The following KAZN variants were observed in gnomAD, a reference collection of about 807,000 sequenced individuals.
KAZN encodes the protein kazrin, periplakin interacting protein.
Under a neutral mutation model 87.4 loss-of-function variants are expected in KAZN, and 40 were observed. The observed-to-expected ratio is 0.46, with a 90% CI of 0.36 to 0.60. The LOEUF (loss-of-function observed/expected upper bound fraction) is 0.60, where lower values mean the gene tolerates loss of function less well. Ranked by LOEUF, KAZN falls within the 20% of genes least tolerant of loss-of-function variation. The pLI is 0.00. For missense variants in KAZN, 898 were observed against 1,073.9 expected (o/e 0.84, Z 2.29); for synonymous variants, 466 against 458.3 (o/e 1.02, Z -0.22).
intron 2 of KAZN, among the ~76,000 whole-genome samples, chr1:14,357,936 A>G (rs899061872): frequency 6.6e-6 from 1 of 152,192 alleles, no homozygotes. Flanking sequence ...AGCTGGCCTC[A>G]TTAAATTAGT....
intron 2 of KAZN, among the ~76,000 whole-genome samples, chr1:14,232,576 AG>A (rs1193556288): frequency 2.6e-5 from 4 of 152,116 alleles, no homozygotes; most frequent in Non-Finnish European, 5.9e-5. Context: ...GCTTCTTCAT[AG>A]CTCCTTATCC....
chr1:14,690,888 T>C (rs972330666), intron 1 of KAZN, among the ~76,000 whole-genome samples: 1 of 152,200 alleles, frequency 6.6e-6, no homozygotes, highest in African/African-American at 2.4e-5. Flanking sequence ...TACCTGGTTT[T>C]ATTGTTCCTC....
chr1:14,308,432 G>T (rs1439373620), intron 2 of KAZN, among the ~76,000 whole-genome samples: 3 of 152,198 alleles, frequency 2.0e-5, no homozygotes, highest in South Asian at 4.1e-4. Flanking sequence ...TAAAATATAT[G>T]CAAAGAATAA....
chr1:14,405,266 G>C (rs924549721), intron 2 of KAZN, among the ~76,000 whole-genome samples: 1 of 152,202 alleles, frequency 6.6e-6, no homozygotes, highest in Non-Finnish European at 1.5e-5. Flanking sequence ...TATTGGGTAT[G>C]AGCCTGTTTG....
At chr1:14,362,725 A>AC (rs1659624906) in intron 2 of KAZN, among the ~76,000 whole-genome samples, 2 of 152,198 alleles carry the variant, frequency 1.3e-5, no homozygotes, top group Non-Finnish European at 2.9e-5. Context: ...AGGTGAGGAA[A>AC]CCAAGCTTCT....
At chr1:14,692,790 A>T (rs1436901548) in intron 1 of KAZN, among the ~76,000 whole-genome samples, 1 of 152,190 alleles carries the variant, frequency 6.6e-6, no homozygotes. Flanking sequence ...AAAATTAGCC[A>T]GGCGTAGTGG....
At chr1:14,382,778 T>C (rs1181883632) in intron 2 of KAZN, among the ~76,000 whole-genome samples, 2 of 149,988 alleles carry the variant, frequency 1.3e-5, no homozygotes, top group Non-Finnish European at 3.0e-5. Context: ...GCAATAAACA[T>C]ACGTGTGCAT....
chr1:14,793,113 G>C (rs1036917971), intron 1 of KAZN, among the ~76,000 whole-genome samples: 1 of 152,188 alleles, frequency 6.6e-6, no homozygotes, highest in African/African-American at 2.4e-5. Context: ...CTTTCAGCAG[G>C]ATAGGAATGG....
At chr1:14,255,051 C>G (rs1650382268) in intron 2 of KAZN, among the ~76,000 whole-genome samples, 1 of 143,590 alleles carries the variant, frequency 7.0e-6, no homozygotes, top group South Asian at 2.2e-4. Context: ...AACCGGGAGG[C>G]AGAGGTTGCA....
At chr1:14,896,245 G>T (rs764857963) in intron 1 of KAZN, among the ~76,000 whole-genome samples, 1 of 152,088 alleles carries the variant, frequency 6.6e-6, no homozygotes, top group Non-Finnish European at 1.5e-5. Context: ...AGTAGAGACA[G>T]GGTTTCACCA....
chr1:14,202,884 C>T (rs1034633479), intron 2 of KAZN, among the ~76,000 whole-genome samples: 4 of 151,798 alleles, frequency 2.6e-5, no homozygotes, highest in Non-Finnish European at 5.9e-5. Flanking sequence ...TGGGCATGGT[C>T]GTGGGCGCCT....
chr1:15,049,127 C>T (rs1349600005), intron 4 of KAZN, among the ~76,000 whole-genome samples: 1 of 152,208 alleles, frequency 6.6e-6, no homozygotes, highest in Non-Finnish European at 1.5e-5. Context: ...GGAGTCCAGC[C>T]ATGGCCTGAA....
At chr1:14,076,081 A>G (rs572771542) in intron 1 of KAZN, among the ~76,000 whole-genome samples, 1 of 152,236 alleles carries the variant, frequency 6.6e-6, no homozygotes, top group Non-Finnish European at 1.5e-5. Context: ...GGAGATTGAG[A>G]CCATCCTGGC....
intron 1 of KAZN, among the ~76,000 whole-genome samples, chr1:14,913,327 C>T (rs1657448941): frequency 2.0e-5 from 3 of 152,204 alleles, no homozygotes; most frequent in African/African-American, 7.2e-5. Flanking sequence ...AAAAAGAAGG[C>T]AGCGCCTTTC....
chr1:14,939,395 G>A (rs1416389938), intron 1 of KAZN, among the ~76,000 whole-genome samples: 4 of 151,850 alleles, frequency 2.6e-5, no homozygotes, highest in African/African-American at 4.8e-5. Flanking sequence ...TCAGCCTCCC[G>A]AGTAGCTAGG....
chr1:14,186,628 C>T (rs1646312075), intron 2 of KAZN, among the ~76,000 whole-genome samples: 2 of 152,186 alleles, frequency 1.3e-5, no homozygotes, highest in Admixed American at 1.3e-4. Context: ...GGGCCCTCCT[C>T]TCTTTGACCG....
chr1:14,355,699 T>C (rs527596684), intron 2 of KAZN, among the ~76,000 whole-genome samples: 1 of 152,244 alleles, frequency 6.6e-6, no homozygotes, highest in East Asian at 1.9e-4. Flanking sequence ...TCTGTTCTTG[T>C]GTTAGTTTGC....
chr1:15,072,972 C>T (rs1183051055), intron 8 of KAZN, among the ~76,000 whole-genome samples: 1 of 152,166 alleles, frequency 6.6e-6, no homozygotes, highest in Non-Finnish European at 1.5e-5. Context: ...AAGAGACCGG[C>T]AAAATATGGG....
At chr1:14,032,612 C>T (rs1641376040) in intron 1 of KAZN, among the ~76,000 whole-genome samples, 1 of 152,182 alleles carries the variant, frequency 6.6e-6, no homozygotes, top group Admixed American at 6.5e-5. Context: ...GTTTCCCATC[C>T]ATTCTGCATG....
Sources: gnomAD v4.1 joint callset for allele counts (sites outside exome capture counted in the v4.1 genomes callset) on GRCh38, gnomAD v4.1.1 for gene constraint, MANE v1.5 for transcripts, NCBI Gene and HGNC (gene_info 2026-07-23, HGNC 2026-07-21) for gene names.